LDB2: variants seen among roughly 807,000 people sequenced by gnomAD.
The protein encoded by LDB2 is LIM domain-binding protein 2.
Under a neutral mutation model 44.3 loss-of-function variants are expected in LDB2, and 12 were observed. That is an observed-to-expected ratio of 0.27 (90% CI 0.17 to 0.44). The LOEUF (loss-of-function observed/expected upper bound fraction) is 0.44, where lower values mean the gene tolerates loss of function less well. Ranked by LOEUF, LDB2 falls within the 20% of genes least tolerant of loss-of-function variation. The pLI, the probability that LDB2 is intolerant of heterozygous loss-of-function variation, is 1.00. For synonymous variants in LDB2, 164 were observed against 174.8 expected, an observed-to-expected ratio of 0.94 and a Z score of 0.49; for missense variants, 344 against 473.5, an observed-to-expected ratio of 0.73 and a Z score of 2.54.
chr4:16,864,263 C>T (rs1056964868), intron 1 of LDB2, among the ~76,000 whole-genome samples: 1 of 152,124 alleles, frequency 6.6e-6, no homozygotes, highest in African/African-American at 2.4e-5. Flanking sequence ...GATCTTCATT[C>T]TAAAGATCCA....
chr4:16,737,546 T>C (rs1359909007), intron 2 of LDB2, among the ~76,000 whole-genome samples: 1 of 152,178 alleles, frequency 6.6e-6, no homozygotes, highest in Non-Finnish European at 1.5e-5. Flanking sequence ...AGGCAAATAA[T>C]ATTCAATGAC....
At chr4:16,715,834 T>C (rs1021936992) in intron 2 of LDB2, among the ~76,000 whole-genome samples, 2 of 152,268 alleles carry the variant, frequency 1.3e-5, no homozygotes, top group Admixed American at 1.3e-4. Context: ...TACGTGTGCA[T>C]GGAAGTGGTG....
At chr4:16,617,552 G>A (rs536391871) in intron 2 of LDB2, among the ~76,000 whole-genome samples, 1 of 152,214 alleles carries the variant, frequency 6.6e-6, no homozygotes, top group Non-Finnish European at 1.5e-5. Flanking sequence ...GGACACACTC[G>A]GTTTTGTATA....
intron 2 of LDB2, among the ~76,000 whole-genome samples, chr4:16,691,189 G>A (rs1372999207): frequency 1.3e-5 from 2 of 152,106 alleles, no homozygotes; most frequent in East Asian, 3.9e-4. Flanking sequence ...AGGGCTGCTT[G>A]CCTCTAAGGC....
chr4:16,769,525 A>G (rs1037834919), intron 1 of LDB2, among the ~76,000 whole-genome samples: 1 of 150,606 alleles, frequency 6.6e-6, no homozygotes, highest in African/African-American at 2.4e-5. Context: ...CGAACTCCTG[A>G]CCTCAGGTGA....
At chr4:16,875,781 G>A (rs965037942) in intron 1 of LDB2, among the ~76,000 whole-genome samples, 2 of 152,150 alleles carry the variant, frequency 1.3e-5, no homozygotes, top group Non-Finnish European at 2.9e-5. Flanking sequence ...CCAAAGGCAT[G>A]GTATAACTGC....
intron 1 of LDB2, among the ~76,000 whole-genome samples, chr4:16,873,817 A>C (rs1311431065): frequency 6.6e-6 from 1 of 152,100 alleles, no homozygotes; most frequent in African/African-American, 2.4e-5. Flanking sequence ...CATCACCACA[A>C]CCAGTTTCAG....
intron 1 of LDB2, among the ~76,000 whole-genome samples, chr4:16,872,101 T>C (rs756813563): frequency 6.6e-6 from 1 of 152,024 alleles, no homozygotes; most frequent in Non-Finnish European, 1.5e-5. Context: ...TTTCTATTAG[T>C]AAAACTTATA....
At chr4:16,736,010 T>C (rs994489186) in intron 2 of LDB2, among the ~76,000 whole-genome samples, 1 of 152,152 alleles carries the variant, frequency 6.6e-6, no homozygotes, top group Non-Finnish European at 1.5e-5. Context: ...GCTGGACCTA[T>C]AGATGCCACA....
chr4:16,554,212 G>A (rs532142817), intron 5 of LDB2, among the ~76,000 whole-genome samples: 49 of 151,994 alleles, frequency 3.2e-4, no homozygotes, highest in African/African-American at 4.8e-4. Flanking sequence ...CACCATGCCC[G>A]GCTAATTTTG....
intron 2 of LDB2, among the ~76,000 whole-genome samples, chr4:16,660,460 A>C (rs921891470): frequency 2.6e-5 from 4 of 152,146 alleles, no homozygotes; most frequent in African/African-American, 9.7e-5. Flanking sequence ...AACAAGGTAC[A>C]TATAGATAAC....
intron 1 of LDB2, among the ~76,000 whole-genome samples, chr4:16,828,817 C>A (rs1327169538): frequency 2.0e-5 from 3 of 152,042 alleles, no homozygotes; most frequent in Non-Finnish European, 4.4e-5. Flanking sequence ...TCAATGAATT[C>A]TTGGAAGATG....
chr4:16,753,265 C>A (rs157631), intron 2 of LDB2, among the ~76,000 whole-genome samples: 122,411 of 152,068 alleles, frequency 0.8, 50,525 homozygotes, highest in South Asian at 0.92. Context: ...AAGCACAGTA[C>A]AAATATAGCT....
At chr4:16,636,046 C>T (rs1203058904) in intron 2 of LDB2, among the ~76,000 whole-genome samples, 1 of 152,130 alleles carries the variant, frequency 6.6e-6, no homozygotes, top group Non-Finnish European at 1.5e-5. Flanking sequence ...CCATGTAGAA[C>T]ATTTGCAGAG....
chr4:16,667,960 A>G (rs1034281188), intron 2 of LDB2, among the ~76,000 whole-genome samples: 6 of 152,184 alleles, frequency 3.9e-5, no homozygotes, highest in South Asian at 2.1e-4. Context: ...CACAGACAAG[A>G]ATATCCTATA....
chr4:16,794,481 C>G (rs541488433), intron 1 of LDB2, among the ~76,000 whole-genome samples: 1 of 152,246 alleles, frequency 6.6e-6, no homozygotes, highest in South Asian at 2.1e-4. Context: ...TGATGCAGGC[C>G]AAGGGTTCTG....
chr4:16,547,835 A>C (rs1341740342), intron 5 of LDB2, among the ~76,000 whole-genome samples: 1 of 152,186 alleles, frequency 6.6e-6, no homozygotes, highest in Non-Finnish European at 1.5e-5. Flanking sequence ...CAGGCCAATA[A>C]TAATACTCAC....
At chr4:16,785,625 G>A (rs1310044420) in intron 1 of LDB2, among the ~76,000 whole-genome samples, 1 of 152,184 alleles carries the variant, frequency 6.6e-6, no homozygotes, top group Non-Finnish European at 1.5e-5. Context: ...AGTCAAGCAT[G>A]AGAAGTGGTT....
intron 2 of LDB2, among the ~76,000 whole-genome samples, chr4:16,655,011 G>A (rs1391399217): frequency 2.6e-5 from 4 of 152,134 alleles, no homozygotes; most frequent in East Asian, 1.9e-4. Flanking sequence ...GTTTAAGGAC[G>A]TTTTGAAACT....
Sources: gnomAD v4.1 joint callset for allele counts (sites outside exome capture counted in the v4.1 genomes callset) on GRCh38, gnomAD v4.1.1 for gene constraint, MANE v1.5 for transcripts, NCBI Gene and HGNC (gene_info 2026-07-23, HGNC 2026-07-21) for gene names.